Variants in DUOX2 observed in about 807,000 individuals in gnomAD.
The protein encoded by DUOX2 is NADH/NADPH thyroid oxidase p138-tox.
In DUOX2, 185 loss-of-function variants were observed where a neutral mutation model predicts 183.3. That is an observed-to-expected ratio of 1.01 (90% CI 0.90 to 1.14). DUOX2 has a LOEUF of 1.14. DUOX2 is among the 50% of genes most tolerant of loss of function. The pLI is 0.00. For synonymous variants in DUOX2, 788 were observed against 812.4 expected (o/e 0.97, Z 0.51); for missense variants, 1,999 against 2,022.9 (o/e 0.99, Z 0.23).
In DUOX2 at chr15:45,111,553, G is replaced by T; in HGVS notation, c.546C>A (p.Ser182Arg). 6 of 1,551,548 alleles carry T rather than the reference G, an allele frequency of 3.9e-6. No homozygotes were observed. Among genetic ancestry groups the T allele is most frequent in the Non-Finnish European group, 5.2e-6 (6 of 1,152,470 alleles). The change falls in exon 6 of 34, where the codon AGC (serine) becomes AGA (arginine). Residue 182 changes from serine (S) to arginine (R), a missense_variant. Physicochemically the swap from Ser to Arg is moderately radical, Grantham distance 110. Around this residue, in one of 3 missense-constraint regions of DUOX2, gnomAD observed 356 missense variants for 356.4 expected, o/e 1.00. Coordinates refer to ENST00000389039, the MANE Select transcript of DUOX2 (RefSeq NM_001363711.2). ...AGGAGTGCGAGGAGCCATAGATGGC[G>T]CTGCCGTCCAGCCAGCCCGTCACCT... ...ANQVTGWLDG[S>R]AIYGSSHSWS...
intron 7 of DUOX2, 149 bp from the exon 8 acceptor site, chr15:45,110,859 T>A (rs1894374037): frequency 8.6e-7 from 1 of 1,157,110 alleles, no homozygotes; most frequent in Admixed American, 2.2e-5. Flanking sequence ...GTGTGAGGCC[T>A]GTCCCCACAA....
rs1894057121 is a variant in DUOX2 at position 45,100,735 on chromosome 15, G to A, written c.3005+20C>T. On this transcript the variant is annotated intron_variant, in intron 23 of 33. Coordinates refer to ENST00000389039, the MANE Select transcript of DUOX2 (RefSeq NM_001363711.2). ...TTCTCTCCATGTCTCTTTGGGCCCA[G>A]GGATTTGGGAGACACTCACTTTTTG... The A allele has an allele frequency of 6.2e-7, 1 of 1,610,486 alleles. No homozygotes were observed. The highest frequency in any genetic ancestry group is 1.3e-5 in the African/African-American group (1 of 74,850).
At chr15:45,104,741 A>G (rs1343705390) in intron 18 of DUOX2, among the ~76,000 whole-genome samples, 1 of 152,250 alleles carries the variant, frequency 6.6e-6, no homozygotes, top group Non-Finnish European at 1.5e-5. Context: ...TCTCTTGCCA[A>G]TTCAGATAAG....
intron 2 of DUOX2, 108 bp from the exon 3 acceptor site, chr15:45,113,184 G>C: frequency 6.9e-7 from 1 of 1,453,348 alleles, no homozygotes; most frequent in Non-Finnish European, 9.4e-7. Context: ...CCCCTAACCG[G>C]ACCCAAGTGT....
chr15:45,097,436 C>T lies in DUOX2; in HGVS notation c.3694-45G>A, dbSNP rs897181270. 6 of 1,613,954 alleles carry T rather than the reference C, an allele frequency of 3.7e-6. No individual in the cohort carries two copies. The African/African-American group carries it at 6.7e-5, about 18-fold the overall frequency. ...GTACAACTCAGGCCCAGCCAGGCCC[C>T]TGCCCGGCATCCCCTCTTGCCCAGG... On this transcript the variant is annotated intron_variant, in intron 28 of 33. Transcript: ENST00000389039.
At chr15:45,109,802 A>G (rs1894328640) in intron 10 of DUOX2, 88 bp downstream of exon 10, 2 of 1,412,374 alleles carry the variant, frequency 1.4e-6, no homozygotes, top group East Asian at 4.5e-5. Flanking sequence ...GGGCAGCAAC[A>G]CTCAAGAACT....
chr15:45,101,639 A>C, intron 21 of DUOX2, 154 bp downstream of exon 21: 3 of 944,410 alleles, frequency 3.2e-6, no homozygotes, highest in Non-Finnish European at 4.9e-6. Context: ...GGCAACTTGC[A>C]CACCTACATG....
chr15:45,102,810 C>T (rs1482234487), intron 20 of DUOX2, among the ~76,000 whole-genome samples: 1 of 152,120 alleles, frequency 6.6e-6, no homozygotes, highest in African/African-American at 2.4e-5. Context: ...GGTGAAACCC[C>T]ATCTCTACTA....
chr15:45,105,587 A>G, intron 18 of DUOX2, 56 bp downstream of exon 18: 2 of 1,608,508 alleles, frequency 1.2e-6, no homozygotes, highest in Non-Finnish European at 1.7e-6. Context: ...TATGCAGCCC[A>G]GGTTTCCTCC....
chr15:45,105,632 G>C lies in DUOX2; in HGVS notation c.2334+11C>G. The C allele has an allele frequency of 6.2e-7, 1 of 1,614,168 alleles. No individual in the cohort carries two copies. Among genetic ancestry groups the C allele is most frequent in the Non-Finnish European group, 8.5e-7 (1 of 1,180,030 alleles). ...GCTGGACCCATCTCCAAAAGGCACA[G>C]GTCATGGCACCTGAGCAAAAAGGTG... On this transcript the variant is annotated intron_variant, in intron 18 of 33. Coordinates refer to ENST00000389039, the MANE Select transcript of DUOX2 (RefSeq NM_001363711.2).
Position 45,112,601 on chromosome 15 carries a change from G to A in DUOX2, c.278C>T (p.Ala93Val). ...RLSNAATRGIAGLPSLHNRTV... is the reference protein window; with the variant it reads ...RLSNAATRGIVGLPSLHNRTV... Reference sequence around the variant, plus strand: ...GCGGTTGTGGAGCGACGGCAGGCCGGCTATGCCCCGCGTGGCTGCGTTGCT... The same window carrying A: ...GCGGTTGTGGAGCGACGGCAGGCCGACTATGCCCCGCGTGGCTGCGTTGCT... The change falls in exon 4 of 34, where the codon GCC (alanine) becomes GTC (valine). Residue 93 changes from alanine to valine, a missense_variant. Ala to Val is a moderately conservative substitution (Grantham distance 64). Transcript: ENST00000389039. 6.2e-7 allele frequency: 1 copy of A among 1,612,896 alleles called. No homozygotes were observed. Among genetic ancestry groups the A allele is most frequent in the South Asian group, 1.1e-5 (1 of 91,072 alleles).
rs747198312 is a variant in DUOX2 at position 45,110,653 on chromosome 15, T to C, written c.940A>G (p.Thr314Ala). The change falls in exon 8 of 34, where the codon ACA (threonine) becomes GCA (alanine). Residue 314 changes from threonine (T) to alanine (A), a missense_variant. Thr to Ala is a moderately conservative substitution (Grantham distance 58). Coordinates refer to ENST00000389039, the MANE Select transcript of DUOX2 (RefSeq NM_001363711.2). ...SFLQKTLPEYTGYRPFLDPSI... is the reference protein window; with the variant it reads ...SFLQKTLPEYAGYRPFLDPSI... ...TCCTCCTTCCCCGCTCCCTCACCTG[T>C]ATACTCCGGGAGTGTTTTCTGCAGG... 1 of 1,613,022 alleles carries C rather than the reference T, an allele frequency of 6.2e-7. No individual in the cohort carries two copies. The highest frequency in any genetic ancestry group is 1.1e-5 in the South Asian group (1 of 91,032).
intron 33 of DUOX2, 76 bp from the exon 34 acceptor site, chr15:45,094,348 A>G: frequency 6.2e-7 from 1 of 1,605,642 alleles, no homozygotes; most frequent in Non-Finnish European, 8.5e-7. Flanking sequence ...CTGCTTCCTG[A>G]GCCTGGCTGG....
At chr15:45,109,756 GATA>G in intron 10 of DUOX2, 130 bp from the exon 11 acceptor site, 1 of 1,307,776 alleles carries the variant, frequency 7.6e-7, no homozygotes, top group Admixed American at 1.8e-5. Flanking sequence ...GTTGTCCCCG[GATA>G]ATTTCCTCTA....
intron 4 of DUOX2, 62 bp downstream of exon 4, chr15:45,112,492 C>G: frequency 6.3e-7 from 1 of 1,590,792 alleles, no homozygotes; most frequent in South Asian, 1.1e-5. Flanking sequence ...CGGGATCTGG[C>G]CCCTCCCCCA....
At chr15:45,095,306 C>T in intron 31 of DUOX2, 131 bp downstream of exon 31, 1 of 1,481,752 alleles carries the variant, frequency 6.7e-7, no homozygotes, top group Admixed American at 1.7e-5. Context: ...GGCATCTCAA[C>T]CACTGGGTAA....
intron 12 of DUOX2, 197 bp from the exon 13 acceptor site, chr15:45,108,419 C>T (rs1894288529): frequency 2.0e-5 from 13 of 638,770 alleles, no homozygotes; most frequent in Admixed American, 1.1e-4. Context: ...GGTAACACCA[C>T]GGTCAGGTGC....
intron 20 of DUOX2, 82 bp from the exon 21 acceptor site, chr15:45,102,071 T>C (rs1894098515): frequency 1.3e-6 from 2 of 1,526,508 alleles, no homozygotes; most frequent in Non-Finnish European, 1.8e-6. Flanking sequence ...AGGCCCCAGA[T>C]TATCTAATGT....
In DUOX2 at chr15:45,101,111, A is replaced by T. The variant is rs1894069767; in HGVS notation, c.2921+94T>A. 4 of 1,200,418 alleles carry T rather than the reference A, an allele frequency of 3.3e-6. No homozygotes were observed. In the East Asian group the frequency reaches 7.4e-5, roughly 22 times the overall value. The allele number at this position is 1,200,418 out of a possible 1,614,324, so 74.4% of individuals were successfully genotyped here. On this transcript the variant is annotated intron_variant, in intron 22 of 33. Coordinates refer to ENST00000389039, the MANE Select transcript of DUOX2 (RefSeq NM_001363711.2). ...GCTACTTTCAAAGGGCAAATGCCTGATTTTACCAGGGGCTGATCAGCCAGT... is the reference window on the plus strand; with the variant it reads ...GCTACTTTCAAAGGGCAAATGCCTGTTTTTACCAGGGGCTGATCAGCCAGT...
Sources: allele counts gnomAD v4.1 joint callset (sites outside exome capture counted in the v4.1 genomes callset), GRCh38; gene constraint gnomAD v4.1.1; regional missense constraint gnomAD v4.1.1; transcripts MANE v1.5; gene names NCBI Gene and HGNC (gene_info 2026-07-23, HGNC 2026-07-21).